Variants in TBC1D23 observed in about 807,000 individuals in gnomAD.
The protein encoded by TBC1D23 is TBC1 domain family member 23.
In TBC1D23, 55 loss-of-function variants were observed where a neutral mutation model predicts 91.4. That is an observed-to-expected ratio of 0.60 (90% CI 0.48 to 0.75). TBC1D23 has a LOEUF of 0.75. TBC1D23 is among the 30% of genes least tolerant of loss of function. The pLI is 0.00. For synonymous variants in TBC1D23, 289 were observed against 281.0 expected (o/e 1.03, Z -0.28); for missense variants, 725 against 836.1 (o/e 0.87, Z 1.64).
In TBC1D23 at chr3:100,312,947, G is replaced by A. The variant is rs145783059; in HGVS notation, c.1598+1070G>A. 4.7e-3 allele frequency among the ~76,000 whole-genome samples: 711 copies of A among 151,910 alleles called. 2 individuals carry two copies. Among genetic ancestry groups the A allele is most frequent in the Non-Finnish European group, 6.4e-3 (433 of 67,934 alleles). On this transcript the variant is annotated intron_variant, in intron 15 of 18. Transcript: ENST00000394144. ...GGTGGGCGGATCACGAGGTCAGGAGGTTGAGACCATCCTGGCTAACATAGT... is the reference window on the plus strand; with the variant it reads ...GGTGGGCGGATCACGAGGTCAGGAGATTGAGACCATCCTGGCTAACATAGT...
intron 3 of TBC1D23, among the ~76,000 whole-genome samples, chr3:100,282,830 C>G (rs1244703802): frequency 1.3e-5 from 2 of 152,124 alleles, no homozygotes; most frequent in Non-Finnish European, 2.9e-5. Context: ...TTAGAAAACC[C>G]TTTTGCTTCC....
chr3:100,280,251 GTGTTTA>G (rs1204044539), intron 2 of TBC1D23, among the ~76,000 whole-genome samples: 4 of 151,950 alleles, frequency 2.6e-5, no homozygotes, highest in Non-Finnish European at 4.4e-5. Context: ...AAAAGAAATG[GTGTTTA>G]TGAAAATTTT....
intron 1 of TBC1D23, chr3:100,261,483 C>T (rs2067510299): frequency 5.7e-6 from 1 of 175,424 alleles, no homozygotes; most frequent in Non-Finnish European, 1.2e-5. Flanking sequence ...TTTGAAATGA[C>T]CACTGCGACC....
intron 5 of TBC1D23, among the ~76,000 whole-genome samples, chr3:100,292,092 TATC>T (rs1449665389): frequency 1.3e-5 from 2 of 152,182 alleles, no homozygotes; most frequent in African/African-American, 4.8e-5. Flanking sequence ...TAATATCACA[TATC>T]ATGTAGGCGT....
At chr3:100,298,946 ATAAT>A (rs1262941222) in intron 9 of TBC1D23, among the ~76,000 whole-genome samples, 7 of 152,228 alleles carry the variant, frequency 4.6e-5, no homozygotes, top group Admixed American at 4.6e-4. Flanking sequence ...AATTAGTTTT[ATAAT>A]TAATTATAAT....
chr3:100,320,421 T>A (rs1487605377), intron 17 of TBC1D23, among the ~76,000 whole-genome samples: 1 of 152,174 alleles, frequency 6.6e-6, no homozygotes, highest in African/African-American at 2.4e-5. Context: ...GTGCATTGAA[T>A]GAGAATAGTT....
chr3:100,315,829 A>G (rs1353168108), intron 15 of TBC1D23: 3 of 443,692 alleles, frequency 6.8e-6, no homozygotes, highest in East Asian at 3.9e-5. Flanking sequence ...TGGTTTTAAT[A>G]TGGATATTGA....
Position 100,316,192 on chromosome 3 carries a change from A to AGAAAAGAG in TBC1D23, c.1687+6_1687+7insAAAAGAGG. 6.2e-7 allele frequency: 1 copy of AGAAAAGAG among 1,603,680 alleles called. No homozygotes were observed. The highest frequency in any genetic ancestry group is 1.7e-5 in the Admixed American group (1 of 60,016). On this transcript the variant is annotated splice_donor_region_variant and intron_variant, in intron 16 of 18. Transcript: ENST00000394144. ...ATGAAGAAGAATACGACACAGGTGT[A>AGAAAAGAG]GTAATACACTTAGCTACAGACAGCT...
At chr3:100,316,763 C>T (rs1705754008) in intron 16 of TBC1D23, among the ~76,000 whole-genome samples, 1 of 151,906 alleles carries the variant, frequency 6.6e-6, no homozygotes, top group Non-Finnish European at 1.5e-5. Context: ...GATACTGTGT[C>T]AGGGAAGTTT....
intron 8 of TBC1D23, among the ~76,000 whole-genome samples, 180 bp from the exon 9 acceptor site, chr3:100,297,743 T>TA (rs1228386973): frequency 3.9e-5 from 6 of 152,158 alleles, no homozygotes; most frequent in Non-Finnish European, 8.8e-5. Flanking sequence ...GACAGGGACT[T>TA]TATGTGACAT....
intron 11 of TBC1D23, among the ~76,000 whole-genome samples, chr3:100,302,458 A>C (rs1379464644): frequency 6.6e-6 from 1 of 152,204 alleles, no homozygotes; most frequent in Non-Finnish European, 1.5e-5. Flanking sequence ...ATAGGAATTA[A>C]AAAATATTTC....
rs1484208507 is a variant in TBC1D23, at chr3:100,296,263, T to A, written c.864T>A (p.Ala288=). Residue 288 remains alanine (A), a synonymous_variant, in exon 8 of 19, where the codon GCT becomes GCA. Coordinates refer to ENST00000394144, the MANE Select transcript of TBC1D23 (RefSeq NM_001199198.3). ...LAQYYCSKTP[A]SFRKDNHHLF... ...AGTATTATTGCAGCAAAACACCGGC[T>A]TCTTTTAGGAAGGTATAAGACCAGA... is the stretch of plus-strand genomic sequence containing the variant. 8.1e-6 allele frequency: 13 copies of A among 1,596,136 alleles called. No homozygotes were observed. Among genetic ancestry groups the A allele is most frequent in the Non-Finnish European group, 1.1e-5 (13 of 1,167,588 alleles).
chr3:100,304,650 A>C (rs566710946), intron 11 of TBC1D23, among the ~76,000 whole-genome samples, 196 bp from the exon 12 acceptor site: 14 of 152,266 alleles, frequency 9.2e-5, no homozygotes, highest in African/African-American at 3.4e-4. Flanking sequence ...CTTCCCACCC[A>C]AGCACCAGAA....
chr3:100,264,869 G>A (rs1228316250), intron 1 of TBC1D23, among the ~76,000 whole-genome samples: 3 of 152,112 alleles, frequency 2.0e-5, no homozygotes, highest in Non-Finnish European at 4.4e-5. Flanking sequence ...GGAATTATCT[G>A]GGGAGCTTGT....
intron 6 of TBC1D23, 35 bp downstream of exon 6, chr3:100,295,246 TTTCTC>T (rs756642895): frequency 4.1e-5 from 66 of 1,597,122 alleles, no homozygotes; most frequent in East Asian, 1.6e-4. Context: ...TTTTTCCTCT[TTTCTC>T]AGGGTGCTCT....
Position 100,310,438 on chromosome 3 carries a change from G to T in TBC1D23, c.1449G>T (p.Met483Ile). 1 of 1,612,768 alleles carries T rather than the reference G, an allele frequency of 6.2e-7. No homozygotes were observed. The highest frequency in any genetic ancestry group is 8.5e-7 in the Non-Finnish European group (1 of 1,179,244). ...CTAATGGCTCAAGTGATAGAGGAAT[G>T]AAATCACTAGTAAATAAAATGACTG... ...ESPNGSSDRG[M>I]KSLVNKMTVA... The change falls in exon 14 of 19, where the codon ATG (methionine) becomes ATT (isoleucine). Residue 483 changes from methionine (M) to isoleucine (I), a missense_variant. Transcript: ENST00000394144.
chr3:100,309,472 A>C (rs1274414142), intron 13 of TBC1D23, among the ~76,000 whole-genome samples: 1 of 152,128 alleles, frequency 6.6e-6, no homozygotes, highest in Non-Finnish European at 1.5e-5. Flanking sequence ...GTTTGATCAT[A>C]CTTTTGCTTA....
intron 4 of TBC1D23, among the ~76,000 whole-genome samples, chr3:100,286,041 G>T (rs1368569121): frequency 6.6e-6 from 1 of 151,998 alleles, no homozygotes; most frequent in Non-Finnish European, 1.5e-5. Context: ...AATCTCTCCA[G>T]GTGATTCTGA....
intron 18 of TBC1D23, among the ~76,000 whole-genome samples, chr3:100,322,082 A>G (rs1438197577): frequency 1.3e-5 from 2 of 150,026 alleles, no homozygotes; most frequent in Non-Finnish European, 3.0e-5. Flanking sequence ...TTTAATAAAT[A>G]TAAATTTTTT....
Sources: allele counts gnomAD v4.1 joint callset (sites outside exome capture counted in the v4.1 genomes callset), GRCh38; gene constraint gnomAD v4.1.1; transcripts MANE v1.5; gene names NCBI Gene and HGNC (gene_info 2026-07-23, HGNC 2026-07-21).